The following VAV2 variants were observed in gnomAD, a reference collection of about 807,000 sequenced individuals.
The protein encoded by VAV2 is vav guanine nucleotide exchange factor 2, also known as guanine nucleotide exchange factor VAV2.
A neutral mutation model predicts 132.5 loss-of-function variants in VAV2; 67 were observed. The ratio of observed to expected loss-of-function variants is 0.51; its 90% CI spans 0.42 to 0.62. VAV2 has a LOEUF of 0.62. Among genes scored for constraint, VAV2 ranks in the 20% least tolerant of loss-of-function variants. VAV2 has a pLI of 0.00. For synonymous variants in VAV2, 492 were observed against 443.5 expected (o/e 1.11, Z -1.37); for missense variants, 938 against 1,153.6 (o/e 0.81, Z 2.71).
At chr9:133,775,083 C>A (rs148645773) in intron 24 of VAV2, 32 bp from the exon 25 acceptor site, 23 of 1,560,420 alleles carry the variant, frequency 1.5e-5, no homozygotes, top group Middle Eastern at 1.7e-4. Flanking sequence ...AAACGAGAGC[C>A]GCAGTGAGGA....
chr9:133,798,772 G>A (rs983736478), intron 9 of VAV2, among the ~76,000 whole-genome samples: 2 of 152,200 alleles, frequency 1.3e-5, no homozygotes, highest in African/African-American at 4.8e-5. Context: ...TTGCCCATTT[G>A]TAAAGATGGG....
At chr9:133,789,959 T>C (rs1834386426) in intron 13 of VAV2, among the ~76,000 whole-genome samples, 1 of 152,240 alleles carries the variant, frequency 6.6e-6, no homozygotes, top group Admixed American at 6.5e-5. Context: ...GGGCCCTGCC[T>C]GGGAGGTGCT....
chr9:133,815,128 C>T (rs1231477221), intron 4 of VAV2, among the ~76,000 whole-genome samples: 2 of 151,956 alleles, frequency 1.3e-5, no homozygotes, highest in Non-Finnish European at 2.9e-5. Flanking sequence ...AGATGAGACT[C>T]GAAGGATGCT....
At chr9:133,939,327 C>T in intron 1 of VAV2, 108 bp from the exon 2 acceptor site, 3 of 935,280 alleles carry the variant, frequency 3.2e-6, no homozygotes, top group Non-Finnish European at 5.2e-6. Flanking sequence ...TGCGCCAGCA[C>T]ATCCAAGCTC....
chr9:133,924,275 C>T (rs532906091), intron 2 of VAV2, among the ~76,000 whole-genome samples: 33 of 152,258 alleles, frequency 2.2e-4, no homozygotes, highest in Admixed American at 2.0e-3. Flanking sequence ...CTCCAATTCC[C>T]GGGTTCAAGC....
chr9:133,839,560 C>T (rs1307663220), intron 3 of VAV2, among the ~76,000 whole-genome samples: 4 of 151,936 alleles, frequency 2.6e-5, no homozygotes, highest in African/African-American at 7.3e-5. Context: ...AAGTGATTCC[C>T]CTGTCTCAGC....
chr9:133,917,902 CCCCG>C (rs1764854405), intron 2 of VAV2, among the ~76,000 whole-genome samples: 1 of 151,900 alleles, frequency 6.6e-6, no homozygotes, highest in Non-Finnish European at 1.5e-5. Flanking sequence ...GACCCTGGTC[CCCCG>C]CCCTGGTCCC....
chr9:133,865,090 C>A (rs151227928), intron 2 of VAV2, among the ~76,000 whole-genome samples: 23 of 152,324 alleles, frequency 1.5e-4, no homozygotes, highest in Middle Eastern at 3.4e-3. Flanking sequence ...GAAAACTCCA[C>A]GTGATGGGTC....
chr9:133,864,691 G>A (rs1837731474), intron 2 of VAV2, among the ~76,000 whole-genome samples: 1 of 152,250 alleles, frequency 6.6e-6, no homozygotes, highest in Non-Finnish European at 1.5e-5. Flanking sequence ...TGGATATGCA[G>A]CCCGCTGGGG....
In VAV2 at chr9:133,917,627, T is replaced by A. The variant is rs541607744; in HGVS notation, c.321+21476A>T. 3.6e-3 allele frequency among the ~76,000 whole-genome samples: 551 copies of A among 152,290 alleles called. 7 individuals are homozygous for A. Among genetic ancestry groups the A allele is most frequent in the Middle Eastern group, 0.024 (7 of 292 alleles). ...CCTACCCCCTCTGGGCCTCACTCCC[T>A]GTCCTAGCCTGCCTGAGAGAGTGCC... On this transcript the variant is annotated intron_variant, in intron 2 of 29. Coordinates refer to ENST00000371850, the MANE Select transcript of VAV2 (RefSeq NM_001134398.2).
intron 2 of VAV2, among the ~76,000 whole-genome samples, chr9:133,882,278 G>A (rs1199868195): frequency 2.0e-5 from 3 of 152,258 alleles, no homozygotes; most frequent in African/African-American, 7.2e-5. Context: ...AGGCCGCCAA[G>A]GGCACAGACC....
At chr9:133,814,941 C>T (rs144112400) in intron 4 of VAV2, among the ~76,000 whole-genome samples, 42 of 152,310 alleles carry the variant, frequency 2.8e-4, no homozygotes, top group African/African-American at 1.0e-3. Flanking sequence ...CTTGCACTGC[C>T]ATTTACTGAG....
At chr9:133,848,445 G>C (rs1165802436) in intron 3 of VAV2, among the ~76,000 whole-genome samples, 2 of 152,186 alleles carry the variant, frequency 1.3e-5, no homozygotes, top group East Asian at 3.8e-4. Context: ...AAACTTCCAA[G>C]TTTCTTGTTC....
chr9:133,910,473 C>T (rs912126866), intron 2 of VAV2, among the ~76,000 whole-genome samples: 1 of 151,956 alleles, frequency 6.6e-6, no homozygotes, highest in South Asian at 2.1e-4. Flanking sequence ...GATGAGGTGC[C>T]AAGGTTCAGT....
intron 4 of VAV2, among the ~76,000 whole-genome samples, chr9:133,828,647 C>A (rs942566946): frequency 6.6e-6 from 1 of 152,240 alleles, no homozygotes; most frequent in East Asian, 1.9e-4. Context: ...GCAGGCATTT[C>A]GACGTGGGCC....
intron 25 of VAV2, among the ~76,000 whole-genome samples, chr9:133,774,636 C>G (rs1833748227): frequency 6.6e-6 from 1 of 152,208 alleles, no homozygotes; most frequent in Admixed American, 6.5e-5. Flanking sequence ...CACCCACCCA[C>G]TTGTACCTGA....
intron 1 of VAV2, among the ~76,000 whole-genome samples, chr9:133,956,655 A>T (rs115822234): frequency 2.0e-3 from 298 of 152,324 alleles, no homozygotes; most frequent in African/African-American, 6.8e-3. Context: ...TGGAAATTCC[A>T]GGCGAACCAG....
At chr9:133,881,941 C>A (rs1229931349) in intron 2 of VAV2, among the ~76,000 whole-genome samples, 1 of 152,158 alleles carries the variant, frequency 6.6e-6, no homozygotes, top group Admixed American at 6.5e-5. Flanking sequence ...CCCAGCATGA[C>A]GCCTCCTGCT....
At chr9:133,941,084 C>A (rs1463430654) in intron 1 of VAV2, among the ~76,000 whole-genome samples, 7 of 152,124 alleles carry the variant, frequency 4.6e-5, no homozygotes. Context: ...AGGGCAGCCA[C>A]TAGACACCTG....
Sources: allele counts gnomAD v4.1 joint callset (sites outside exome capture counted in the v4.1 genomes callset), GRCh38; gene constraint gnomAD v4.1.1; transcripts MANE v1.5; gene names NCBI Gene and HGNC (gene_info 2026-07-23, HGNC 2026-07-21).